ANKRD44: variants seen among roughly 807,000 people sequenced by gnomAD.
ANKRD44 encodes serine/threonine-protein phosphatase 6 regulatory ankyrin repeat subunit B.
A neutral mutation model predicts 116.0 loss-of-function variants in ANKRD44; 35 were observed. The observed-to-expected ratio is 0.30, with a 90% CI of 0.23 to 0.40. ANKRD44 has a LOEUF of 0.40. ANKRD44 is among the 10% of genes least tolerant of loss of function. The pLI, the probability that ANKRD44 is intolerant of heterozygous loss-of-function variation, is 1.00. For missense variants in ANKRD44, 1,014 were observed against 1,242.6 expected, an observed-to-expected ratio of 0.82 and a Z score of 2.77; for synonymous variants, 435 against 461.8, an observed-to-expected ratio of 0.94 and a Z score of 0.74.
chr2:197,116,342 CCCTT>C (rs1225486111), intron 8 of ANKRD44, among the ~76,000 whole-genome samples: 1 of 152,184 alleles, frequency 6.6e-6, no homozygotes, highest in African/African-American at 2.4e-5. Context: ...CCAATAATTT[CCCTT>C]CCTTTGAAGG....
chr2:197,004,950 T>C (rs758003100), intron 21 of ANKRD44, among the ~76,000 whole-genome samples: 5 of 152,176 alleles, frequency 3.3e-5, no homozygotes, highest in Admixed American at 6.5e-5. Context: ...TATTGATACA[T>C]ATTGACTTGT....
At chr2:197,276,586 T>TA (rs2083091957) in intron 1 of ANKRD44, among the ~76,000 whole-genome samples, 1 of 152,190 alleles carries the variant, frequency 6.6e-6, no homozygotes, top group Non-Finnish European at 1.5e-5. Context: ...GTCTTCAATA[T>TA]AGCTGTCCCC....
intron 9 of ANKRD44, among the ~76,000 whole-genome samples, chr2:197,100,256 G>A (rs2078260028): frequency 6.6e-6 from 1 of 152,110 alleles, no homozygotes; most frequent in Non-Finnish European, 1.5e-5. Context: ...CCAACATGGT[G>A]AAACCTCATC....
chr2:197,038,694 G>A (rs2076852423), intron 16 of ANKRD44, among the ~76,000 whole-genome samples: 1 of 152,212 alleles, frequency 6.6e-6, no homozygotes, highest in Admixed American at 6.5e-5. Flanking sequence ...GAAAATGCCA[G>A]ATCATGTGTT....
intron 10 of ANKRD44, among the ~76,000 whole-genome samples, chr2:197,095,086 C>T (rs576437829): frequency 3.9e-5 from 6 of 152,346 alleles, no homozygotes; most frequent in South Asian, 2.1e-4. Context: ...CTAATCAGTG[C>T]ATCTCCGAAG....
At chr2:197,263,305 A>G in intron 1 of ANKRD44, 1 of 661,644 alleles carries the variant, frequency 1.5e-6, no homozygotes, top group Admixed American at 2.0e-5. Flanking sequence ...GCGCCATTTC[A>G]AGGGACATCG....
chr2:197,083,165 A>G (rs1156312926), intron 14 of ANKRD44, among the ~76,000 whole-genome samples: 1 of 152,254 alleles, frequency 6.6e-6, no homozygotes, highest in Non-Finnish European at 1.5e-5. Context: ...CCCAAAGAAC[A>G]GAGAAGTTAT....
chr2:197,233,573 G>T (rs948999307), intron 1 of ANKRD44, among the ~76,000 whole-genome samples: 3 of 152,122 alleles, frequency 2.0e-5, no homozygotes, highest in East Asian at 1.9e-4. Context: ...ACTATGTTGT[G>T]TCCAGGCTCA....
chr2:197,272,233 ATTTTGT>A (rs900794317), intron 1 of ANKRD44, among the ~76,000 whole-genome samples: 2 of 151,810 alleles, frequency 1.3e-5, no homozygotes, highest in African/African-American at 4.8e-5. Flanking sequence ...TTTGTTTGGT[ATTTTGT>A]TTTTGTTTTT....
intron 3 of ANKRD44, among the ~76,000 whole-genome samples, chr2:197,146,540 T>C (rs1292057661): frequency 6.6e-6 from 1 of 151,634 alleles, no homozygotes; most frequent in African/African-American, 2.4e-5. Flanking sequence ...ATGCTATACA[T>C]AGTGTTTATA....
chr2:197,032,280 A>T (rs1333705208), intron 16 of ANKRD44, among the ~76,000 whole-genome samples: 1 of 152,148 alleles, frequency 6.6e-6, no homozygotes, highest in Non-Finnish European at 1.5e-5. Context: ...TAGAAGCAGG[A>T]GGCATATTAG....
At chr2:197,206,761 T>C (rs1416695228) in intron 1 of ANKRD44, among the ~76,000 whole-genome samples, 1 of 152,140 alleles carries the variant, frequency 6.6e-6, no homozygotes, top group Non-Finnish European at 1.5e-5. Flanking sequence ...ATGTTATCAA[T>C]AATAACATAG....
chr2:197,009,167 T>C (rs1320218907), intron 18 of ANKRD44, 136 bp from the exon 19 acceptor site: 14 of 614,316 alleles, frequency 2.3e-5, no homozygotes, highest in Admixed American at 4.9e-5. Context: ...TGTCATCTCA[T>C]TGCAATCTCC....
chr2:197,162,601 CTAATT>C (rs988026545), intron 2 of ANKRD44, among the ~76,000 whole-genome samples: 8 of 152,192 alleles, frequency 5.3e-5, no homozygotes, highest in African/African-American at 1.9e-4. Flanking sequence ...CAGGGAGCCT[CTAATT>C]TAAGATTTTT....
chr2:196,980,052 TGAAA>T (rs2075790198), intron 21 of ANKRD44, among the ~76,000 whole-genome samples: 1 of 152,212 alleles, frequency 6.6e-6, no homozygotes, highest in African/African-American at 2.4e-5. Context: ...GTTAGCACTC[TGAAA>T]GGCTTTTCTT....
intron 16 of ANKRD44, among the ~76,000 whole-genome samples, chr2:197,040,299 G>C (rs1321119157): frequency 6.6e-6 from 1 of 150,810 alleles, no homozygotes; most frequent in Non-Finnish European, 1.5e-5. Context: ...AATTTTTTTA[G>C]TATAATGTTA....
intron 21 of ANKRD44, among the ~76,000 whole-genome samples, chr2:196,975,690 C>A (rs2075752175): frequency 6.7e-6 from 1 of 149,786 alleles, no homozygotes. Flanking sequence ...ACTCAGGAGG[C>A]TAAGACATGA....
At chr2:197,118,637 G>GAGAGAGAGAGAAAGAA (rs773839262) in intron 8 of ANKRD44, among the ~76,000 whole-genome samples, 27 of 112,440 alleles carry the variant, frequency 2.4e-4, no homozygotes, top group African/African-American at 8.0e-4. Context: ...GAGAGAGAGA[G>GAGAGAGAGAGAAAGAA]AGAAAGAAAG....
At position 197,082,336 on chromosome 2, in the gene ANKRD44, T is replaced by C. The variant is rs116241232; in HGVS notation, c.1458-611A>G. Among the ~76,000 whole-genome samples, 1,456 of 152,284 alleles carry C rather than the reference T, an allele frequency of 9.6e-3. 14 individuals carry two copies. The highest frequency in any genetic ancestry group is 0.02 in the Middle Eastern group (6 of 294). On this transcript the variant is annotated intron_variant, in intron 14 of 27. Transcript: ENST00000282272. ...GGGATCAGAATGCTACATCTGATATTATTATTTTGATTTATTATATAACTA... is the reference window on the plus strand; with the variant it reads ...GGGATCAGAATGCTACATCTGATATCATTATTTTGATTTATTATATAACTA...
Sources: gnomAD v4.1 joint callset for allele counts (sites outside exome capture counted in the v4.1 genomes callset) on GRCh38, gnomAD v4.1.1 for gene constraint, MANE v1.5 for transcripts, NCBI Gene and HGNC (gene_info 2026-07-23, HGNC 2026-07-21) for gene names.